The following BCAS3 variants were observed in gnomAD, a reference collection of about 807,000 sequenced individuals.
BCAS3 encodes BCAS4/BCAS3 fusion.
In BCAS3, 53 loss-of-function variants were observed where a neutral mutation model predicts 116.1. The observed-to-expected ratio is 0.46, with a 90% CI of 0.37 to 0.57. The LOEUF is 0.57. Among genes scored for constraint, BCAS3 ranks in the 20% least tolerant of loss-of-function variants. The probability of loss-of-function intolerance (pLI) is 0.00; values close to 1 mark genes in which losing one functional copy is unlikely to be tolerated. For synonymous variants in BCAS3, 391 were observed against 408.2 expected (o/e 0.96, Z 0.51); for missense variants, 917 against 1,165.4 (o/e 0.79, Z 3.10).
Position 61,390,875 on chromosome 17 carries a change from C to T in BCAS3, c.2594-1102C>T, listed in dbSNP as rs2060096540. On this transcript the variant is annotated intron_variant, in intron 23 of 23. Coordinates refer to ENST00000407086, the MANE Select transcript of BCAS3 (RefSeq NM_017679.5). This position sits in a 1 kb window ranked among gnomAD's most constrained non-coding sequence, Gnocchi z 6.8. ...TGCACTCCTGGGTGGACAGGCCAGA[C>T]TCCTTCAGTCACAGGCAGGCATCCC... 1 of 152,334 alleles carries T rather than the reference C, an allele frequency of 6.6e-6. No homozygotes were observed. The highest frequency in any genetic ancestry group is 1.5e-5 in the Non-Finnish European group (1 of 68,106). 9.4% of individuals were successfully genotyped at this position (152,334 alleles called of 1,614,324 possible). A position where few individuals can be genotyped will look rare whatever the true frequency, so the allele number is the denominator to read the frequency against.
rs1601194959 is a variant in BCAS3, at chr17:61,095,926, T to C, written c.2425+11362T>C. 6.6e-6 allele frequency among the ~76,000 whole-genome samples: 1 copy of C among 152,080 alleles called. No individual in the cohort carries two copies. Among genetic ancestry groups the C allele is most frequent in the Admixed American group, 6.6e-5 (1 of 15,256 alleles). The stretch of plus-strand genomic sequence containing the variant: ...CTACAGAAATTCAGATGAGATTGGA[T>C]TGGGATTTCATTGAATCTGTATATC... On this transcript the variant is annotated intron_variant, in intron 22 of 23. Transcript: ENST00000407086. This position sits in a 1 kb window ranked among gnomAD's most constrained non-coding sequence, Gnocchi z 4.7.
At chr17:60,911,123 C>CTTTTTT (rs1162942971) in intron 12 of BCAS3, among the ~76,000 whole-genome samples, 3,223 of 87,862 alleles carry the variant, frequency 0.037, 603 homozygotes, top group African/African-American at 0.14. Context: ...TTTTTTCTTT[C>CTTTTTT]TTTTTTTTTT....
intron 22 of BCAS3, among the ~76,000 whole-genome samples, chr17:61,334,664 C>CAAA (rs35400660): frequency 6.7e-3 from 336 of 50,142 alleles, no homozygotes; most frequent in African/African-American, 7.1e-3. Context: ...AACTCCATCT[C>CAAA]AAAAAAAAAA....
chr17:60,949,026 G>GCCA (rs1299337322), intron 14 of BCAS3, among the ~76,000 whole-genome samples: 1 of 151,852 alleles, frequency 6.6e-6, no homozygotes, highest in African/African-American at 2.4e-5. Flanking sequence ...ACAGGCATGT[G>GCCA]CCACCACGCC....
At chr17:60,782,681 G>T (rs1158231189) in intron 6 of BCAS3, among the ~76,000 whole-genome samples, 3 of 151,682 alleles carry the variant, frequency 2.0e-5, no homozygotes, top group Non-Finnish European at 4.4e-5. Context: ...TGCCTCTCAG[G>T]TTCTAGCAAT....
rs921798623 is a variant in BCAS3, at chr17:61,073,217, G to GT, written c.2030-1699dup. Among the ~76,000 whole-genome samples the GT allele has an allele frequency of 1.3e-5, 2 of 152,134 alleles. No individual in the cohort carries two copies. Among genetic ancestry groups the GT allele is most frequent in the African/African-American group, 4.8e-5 (2 of 41,442 alleles). Reference sequence around the variant, plus strand: ...GGTGTATGCTTTTGTGATCATTTGTGTTTTGTACAAATGCCACCATGCCGC... The same window carrying GT: ...GGTGTATGCTTTTGTGATCATTTGTGTTTTTGTACAAATGCCACCATGCCGC... On this transcript the variant is annotated intron_variant, in intron 19 of 23. Transcript: ENST00000407086. This position sits in a 1 kb window ranked among gnomAD's most constrained non-coding sequence, Gnocchi z 4.6.
chr17:60,855,534 A>T (rs2053603030), intron 7 of BCAS3, among the ~76,000 whole-genome samples: 1 of 139,854 alleles, frequency 7.2e-6, no homozygotes, highest in Admixed American at 7.4e-5. Flanking sequence ...GGCTCACTGC[A>T]AGCTCCACCT....
At chr17:60,815,649 G>A (rs1424692071) in intron 7 of BCAS3, among the ~76,000 whole-genome samples, 2 of 152,146 alleles carry the variant, frequency 1.3e-5, no homozygotes, top group Non-Finnish European at 2.9e-5. Context: ...CATAAATATA[G>A]GTGATACGAG....
rs144524593 is a variant in BCAS3 at position 61,083,283 on chromosome 17, A to G, written c.2328-1184A>G. ...TACTATTTATGTCATTCATATTTAC[A>G]CTTTAGTTTTATTTTGCATTGTCAT... On this transcript the variant is annotated intron_variant, in intron 21 of 23. Coordinates refer to ENST00000407086, the MANE Select transcript of BCAS3 (RefSeq NM_017679.5). This position sits in a 1 kb window ranked among gnomAD's most constrained non-coding sequence, Gnocchi z 4.9. Among the ~76,000 whole-genome samples the G allele has an allele frequency of 2.7e-3, 406 of 152,134 alleles. 3 individuals carry two copies. The highest frequency in any genetic ancestry group is 9.4e-3 in the African/African-American group (391 of 41,488).
chr17:60,699,862 CA>C (rs34153475), intron 4 of BCAS3, among the ~76,000 whole-genome samples: 4,369 of 68,486 alleles, frequency 0.064, 175 homozygotes, highest in African/African-American at 0.15. Context: ...GACTCCGTCT[CA>C]AAAAAAAAAA....
chr17:61,026,865 G>T lies in BCAS3; in HGVS notation c.1638-7801G>T. 6.3e-7 allele frequency: 1 copy of T among 1,596,772 alleles called. No homozygotes were observed. The highest frequency in any genetic ancestry group is 8.5e-7 in the Non-Finnish European group (1 of 1,170,552). Reference sequence around the variant, plus strand: ...TGCATTTTTCCCCCTTTTCCATGAAGGCCTTATCTCTTTGGAGCGGGGTGT... The same window carrying T: ...TGCATTTTTCCCCCTTTTCCATGAATGCCTTATCTCTTTGGAGCGGGGTGT... On this transcript the variant is annotated intron_variant, in intron 16 of 23. Coordinates refer to ENST00000407086, the MANE Select transcript of BCAS3 (RefSeq NM_017679.5). This position sits in a 1 kb window ranked among gnomAD's most constrained non-coding sequence, Gnocchi z 5.0.
chr17:60,976,385 T>C (rs953966387), intron 14 of BCAS3, among the ~76,000 whole-genome samples: 1 of 151,444 alleles, frequency 6.6e-6, no homozygotes, highest in Non-Finnish European at 1.5e-5. Flanking sequence ...GGAGTGAAAA[T>C]GCTGGGTCAT....
rs556308949 is a variant in BCAS3 at position 61,139,230 on chromosome 17, A to G, written c.2425+54666A>G. Among the ~76,000 whole-genome samples, 390 of 152,308 alleles carry G rather than the reference A, an allele frequency of 2.6e-3. 3 individuals carry two copies. The highest frequency in any genetic ancestry group is 0.01 in the Middle Eastern group (3 of 294). ...CACATTTTTTCCCTTAGAGTTATAG[A>G]TGATCTAATCTAAAAAGTTGGAGGA... On this transcript the variant is annotated intron_variant, in intron 22 of 23. Coordinates refer to ENST00000407086, the MANE Select transcript of BCAS3 (RefSeq NM_017679.5). This position sits in a 1 kb window ranked among gnomAD's most constrained non-coding sequence, Gnocchi z 4.7.
intron 22 of BCAS3, among the ~76,000 whole-genome samples, chr17:61,201,701 T>TA (rs1215666864): frequency 1.3e-5 from 2 of 151,892 alleles, no homozygotes; most frequent in Non-Finnish European, 2.9e-5. Context: ...CATGGGCTTT[T>TA]AAAAAAGCCT....
rs6504029 is a variant in BCAS3, at chr17:61,256,285, A to G, written c.2426-112042A>G. On this transcript the variant is annotated intron_variant, in intron 22 of 23. Coordinates refer to ENST00000407086, the MANE Select transcript of BCAS3 (RefSeq NM_017679.5). The surrounding 1 kb of genome is among the most constrained non-coding windows in gnomAD (Gnocchi z 5.6). ...TTGTTTGTTTGTTTGTTTGTTTTTC[A>G]TTTATTTTTATTTATTTTATTTTAT... Among the ~76,000 whole-genome samples the G allele has an allele frequency of 0.95, 145,105 of 152,156 alleles. 69,220 individuals are homozygous for G. The highest frequency in any genetic ancestry group is 1 in the East Asian group (5,172 of 5,174).
intron 19 of BCAS3, among the ~76,000 whole-genome samples, chr17:61,055,698 T>C (rs890761764): frequency 2.6e-5 from 4 of 152,192 alleles, no homozygotes; most frequent in Non-Finnish European, 4.4e-5. Context: ...GCCAAATTAC[T>C]CTTCTAATTT....
At position 61,355,967 on chromosome 17, in the gene BCAS3, C is replaced by T. The variant is rs548295250; in HGVS notation, c.2426-12360C>T. Among the ~76,000 whole-genome samples the T allele has an allele frequency of 6.6e-6, 1 of 152,270 alleles. No homozygotes were observed. Among genetic ancestry groups the T allele is most frequent in the African/African-American group, 2.4e-5 (1 of 41,554 alleles). ...TTTTCTATCCACCTGAAGAAGCAGG[C>T]CAGAGCAGCCTACAGGAAACATTTT... On this transcript the variant is annotated intron_variant, in intron 22 of 23. Transcript: ENST00000407086. The surrounding 1 kb of genome is among the most constrained non-coding windows in gnomAD (Gnocchi z 4.2).
At position 61,124,329 on chromosome 17, in the gene BCAS3, C is replaced by T. The variant is rs1350234181; in HGVS notation, c.2425+39765C>T. 5.3e-5 allele frequency among the ~76,000 whole-genome samples: 8 copies of T among 151,906 alleles called. No individual in the cohort carries two copies. The highest frequency in any genetic ancestry group is 8.8e-5 in the Non-Finnish European group (6 of 67,990). On this transcript the variant is annotated intron_variant, in intron 22 of 23. Coordinates refer to ENST00000407086, the MANE Select transcript of BCAS3 (RefSeq NM_017679.5). The surrounding 1 kb of genome is among the most constrained non-coding windows in gnomAD (Gnocchi z 4.6). ...CCCTTGGGTTCTTTTCCTGGTATCTCGAGCCACCAAGATATAGCTTTTACT... is the reference window on the plus strand; with the variant it reads ...CCCTTGGGTTCTTTTCCTGGTATCTTGAGCCACCAAGATATAGCTTTTACT...
intron 4 of BCAS3, among the ~76,000 whole-genome samples, chr17:60,708,985 T>A (rs2037524863): frequency 6.6e-6 from 1 of 152,056 alleles, no homozygotes; most frequent in Non-Finnish European, 1.5e-5. Flanking sequence ...AAATGTTTGA[T>A]ATTATTTAAA....
Sources: gnomAD v4.1 joint callset for allele counts (sites outside exome capture counted in the v4.1 genomes callset) on GRCh38, gnomAD v4.1.1 for gene constraint, Gnocchi (gnomAD v3.1) non-coding constraint, MANE v1.5 for transcripts, NCBI Gene and HGNC (gene_info 2026-07-23, HGNC 2026-07-21) for gene names.